The following ARHGEF10L variants were observed in gnomAD, a reference collection of about 807,000 sequenced individuals.
The protein encoded by ARHGEF10L is Rho guanine nucleotide exchange factor 10 like.
A neutral mutation model predicts 141.2 loss-of-function variants in ARHGEF10L; 69 were observed. The observed-to-expected ratio is 0.49, with a 90% CI of 0.40 to 0.60. ARHGEF10L has a LOEUF of 0.60. ARHGEF10L is among the 20% of genes least tolerant of loss of function. The probability of loss-of-function intolerance (pLI) is 0.00; values close to 1 mark genes in which losing one functional copy is unlikely to be tolerated. For synonymous variants in ARHGEF10L, 711 were observed against 718.5 expected, an observed-to-expected ratio of 0.99 and a Z score of 0.17; for missense variants, 1,482 against 1,734.3, an observed-to-expected ratio of 0.85 and a Z score of 2.58.
intron 16 of ARHGEF10L, among the ~76,000 whole-genome samples, chr1:17,633,413 G>A (rs771494916): frequency 3.9e-5 from 6 of 152,100 alleles, no homozygotes; most frequent in Non-Finnish European, 7.4e-5. Context: ...GCATGATCTC[G>A]GTTCACTGCA....
chr1:17,634,575 G>C lies in ARHGEF10L; in HGVS notation c.1745+13G>C, dbSNP rs1406632565. 1.2e-6 allele frequency: 2 copies of C among 1,613,462 alleles called. No individual in the cohort carries two copies. Among genetic ancestry groups the C allele is most frequent in the African/African-American group, 1.3e-5 (1 of 74,886 alleles). On this transcript the variant is annotated intron_variant, in intron 17 of 28. Coordinates refer to ENST00000361221, the MANE Select transcript of ARHGEF10L (RefSeq NM_018125.4). ...CTGCCAACCACAGGTACGTGGTTCA[G>C]GGGGCTCCGGGGCTCTGGGGCTCTG... is the stretch of plus-strand genomic sequence containing the variant.
chr1:17,567,862 C>A (rs191735211), intron 1 of ARHGEF10L, among the ~76,000 whole-genome samples: 1 of 152,192 alleles, frequency 6.6e-6, no homozygotes, highest in African/African-American at 2.4e-5. Context: ...TGCTGCATTT[C>A]GCACCAACTA....
At position 17,607,996 on chromosome 1, in the gene ARHGEF10L, T is replaced by C. The variant is rs777219953; in HGVS notation, c.609+19T>C. ...GCCCAAGGTGAGGGGACCGGGGGTG[T>C]CGCTCACCTCAGTCAGGGCACGGAG... On this transcript the variant is annotated intron_variant, in intron 7 of 28. Transcript: ENST00000361221. This position sits in a 1 kb window ranked among gnomAD's most constrained non-coding sequence, Gnocchi z 4.5. The C allele has an allele frequency of 1.2e-4, 137 of 1,154,878 alleles. No individual in the cohort carries two copies. Among genetic ancestry groups the C allele is most frequent in the Non-Finnish European group, 1.5e-4 (134 of 915,788 alleles). 71.5% of individuals were successfully genotyped at this position (1,154,878 alleles called of 1,614,324 possible). A position where few individuals can be genotyped will look rare whatever the true frequency, so the allele number is the denominator to read the frequency against.
intron 26 of ARHGEF10L, among the ~76,000 whole-genome samples, chr1:17,666,296 C>T (rs758804270): frequency 7.9e-5 from 12 of 152,164 alleles, no homozygotes; most frequent in Non-Finnish European, 1.5e-4. Flanking sequence ...TGGCCAGTTG[C>T]CAGCCCAGGA....
At chr1:17,663,362 G>C (rs1220494676) in intron 25 of ARHGEF10L, among the ~76,000 whole-genome samples, 2 of 152,072 alleles carry the variant, frequency 1.3e-5, no homozygotes, top group African/African-American at 4.8e-5. Context: ...GACCAGCCTG[G>C]CCAACATGGC....
At position 17,627,543 on chromosome 1, in the gene ARHGEF10L, C is replaced by A. The variant is rs760832598; in HGVS notation, c.1584+40C>A. 6.3e-7 allele frequency: 1 copy of A among 1,598,338 alleles called. No homozygotes were observed. Among genetic ancestry groups the A allele is most frequent in the South Asian group, 1.1e-5 (1 of 89,300 alleles). Reference sequence around the variant, plus strand: ...CCACCTGCCTGCCCTCACCTGCCTGCCCTCACCTGTGCTCCTGCCCGTGCC... The same window carrying A: ...CCACCTGCCTGCCCTCACCTGCCTGACCTCACCTGTGCTCCTGCCCGTGCC... On this transcript the variant is annotated intron_variant, in intron 15 of 28. Transcript: ENST00000361221. This position sits in a 1 kb window ranked among gnomAD's most constrained non-coding sequence, Gnocchi z 4.0.
Position 17,603,402 on chromosome 1 carries a change from G to C in ARHGEF10L, c.350-106G>C. On this transcript the variant is annotated intron_variant, in intron 5 of 28. Transcript: ENST00000361221. This position sits in a 1 kb window ranked among gnomAD's most constrained non-coding sequence, Gnocchi z 4.8. ...GGCTGGGCTGGGCTATCAGAAAGGA[G>C]GGTGCTGCGTGCCACCAGCTGGTGC... is the stretch of plus-strand genomic sequence containing the variant. 1 of 790,550 alleles carries C rather than the reference G, an allele frequency of 1.3e-6. No individual in the cohort carries two copies. Among genetic ancestry groups the C allele is most frequent in the South Asian group, 2.0e-5 (1 of 50,212 alleles). The allele number at this position is 790,550 out of a possible 1,614,324, so 49.0% of individuals were successfully genotyped here. A position where few individuals can be genotyped will look rare whatever the true frequency, so the allele number is the denominator to read the frequency against.
chr1:17,635,084 C>T, intron 18 of ARHGEF10L, 68 bp downstream of exon 18: 1 of 1,580,830 alleles, frequency 6.3e-7, no homozygotes, highest in African/African-American at 1.4e-5. Flanking sequence ...CTGGGCTGCT[C>T]CTACCCAGGC....
intron 3 of ARHGEF10L, 87 bp downstream of exon 3, chr1:17,587,732 G>C: frequency 7.0e-7 from 1 of 1,425,224 alleles, no homozygotes; most frequent in Non-Finnish European, 9.4e-7. Flanking sequence ...GGGATGCCTG[G>C]TGGCCCCTCC....
At chr1:17,632,997 G>C (rs546818621) in intron 16 of ARHGEF10L, among the ~76,000 whole-genome samples, 1 of 152,216 alleles carries the variant, frequency 6.6e-6, no homozygotes, top group African/African-American at 2.4e-5. Context: ...GCCCTGGTGT[G>C]GGGTGAGGGT....
intron 26 of ARHGEF10L, among the ~76,000 whole-genome samples, chr1:17,677,440 G>A (rs972838521): frequency 1.3e-5 from 2 of 152,200 alleles, no homozygotes; most frequent in African/African-American, 2.4e-5. Flanking sequence ...ACTCTGTATC[G>A]GTGTCTCCTT....
intron 1 of ARHGEF10L, among the ~76,000 whole-genome samples, chr1:17,579,667 A>G (rs1253699477): frequency 6.6e-6 from 1 of 152,236 alleles, no homozygotes; most frequent in African/African-American, 2.4e-5. Flanking sequence ...AGGAATGGAA[A>G]GGAAAACAGG....
At chr1:17,608,439 C>A (rs2081372401) in intron 7 of ARHGEF10L, among the ~76,000 whole-genome samples, 1 of 152,222 alleles carries the variant, frequency 6.6e-6, no homozygotes, top group South Asian at 2.1e-4. Context: ...TGCTCTGGGG[C>A]AGTGGAGAGT....
the ARHGEF10L span, among the ~76,000 whole-genome samples, chr1:17,533,293 A>G: frequency 6.6e-6 from 1 of 152,088 alleles, no homozygotes; most frequent in Admixed American, 6.5e-5. Flanking sequence ...TTTAAACAGA[A>G]CCTGGTGTTT....
chr1:17,625,121 AC>A lies in ARHGEF10L; in HGVS notation c.1317+621del, dbSNP rs1340471180. ...TAGATGCCACGGCCTCAGTGGAGGAACCCACTGTCCCCATCAAAGAGAACAG... is the reference window on the plus strand; with the variant it reads ...TAGATGCCACGGCCTCAGTGGAGGAACCACTGTCCCCATCAAAGAGAACAG... On this transcript the variant is annotated intron_variant, in intron 13 of 28. Transcript: ENST00000361221. This position sits in a 1 kb window ranked among gnomAD's most constrained non-coding sequence, Gnocchi z 4.5. 6.6e-6 allele frequency among the ~76,000 whole-genome samples: 1 copy of A among 152,156 alleles called. No individual in the cohort carries two copies. Among genetic ancestry groups the A allele is most frequent in the Non-Finnish European group, 1.5e-5 (1 of 68,028 alleles).
At chr1:17,577,788 G>A (rs922202812) in intron 1 of ARHGEF10L, among the ~76,000 whole-genome samples, 5 of 152,220 alleles carry the variant, frequency 3.3e-5, no homozygotes, top group African/African-American at 1.2e-4. Context: ...TCTTGCTTCT[G>A]TGACCTGGGG....
chr1:17,616,557 T>G (rs969068084), intron 9 of ARHGEF10L, among the ~76,000 whole-genome samples: 4 of 152,134 alleles, frequency 2.6e-5, no homozygotes, highest in African/African-American at 9.7e-5. Context: ...CATCCACCCA[T>G]CTCTCCAACC....
chr1:17,600,549 G>A (rs926916009), intron 4 of ARHGEF10L, among the ~76,000 whole-genome samples: 1 of 152,160 alleles, frequency 6.6e-6, no homozygotes. Flanking sequence ...CCTTGGCACA[G>A]TTGTCAAAGC....
upstream of ARHGEF10L, among the ~76,000 whole-genome samples, chr1:17,536,835 A>G (rs1031844624): frequency 2.0e-5 from 3 of 151,920 alleles, no homozygotes; most frequent in African/African-American, 4.8e-5. Flanking sequence ...GCATTATCAG[A>G]TCTTCCGATT....
Sources: gnomAD v4.1 joint callset for allele counts (sites outside exome capture counted in the v4.1 genomes callset) on GRCh38, gnomAD v4.1.1 for gene constraint, Gnocchi (gnomAD v3.1) non-coding constraint, MANE v1.5 for transcripts, NCBI Gene and HGNC (gene_info 2026-07-23, HGNC 2026-07-21) for gene names.